The following PTER variants were observed in gnomAD, a reference collection of about 807,000 sequenced individuals.
The protein encoded by PTER is N-acetyltaurine hydrolase.
In PTER, 38 loss-of-function variants were observed where a neutral mutation model predicts 29.6. That is an observed-to-expected ratio of 1.28 (90% CI 0.99 to 1.68). The LOEUF (loss-of-function observed/expected upper bound fraction) is 1.68. PTER is among the 40% of genes most tolerant of loss of function. The pLI is 0.00. For synonymous variants in PTER, 172 were observed against 154.5 expected (o/e 1.11, Z -0.84); for missense variants, 482 against 427.8 (o/e 1.13, Z -1.12).
intron 3 of PTER, among the ~76,000 whole-genome samples, chr10:16,492,031 G>A (rs1444692044): frequency 1.3e-5 from 2 of 152,202 alleles, no homozygotes; most frequent in Non-Finnish European, 2.9e-5. Context: ...CCCTGAGAGG[G>A]AAGAGTTAAT....
At chr10:16,508,971 C>G (rs981186665) in intron 4 of PTER, among the ~76,000 whole-genome samples, 1 of 152,176 alleles carries the variant, frequency 6.6e-6, no homozygotes, top group Admixed American at 6.6e-5. Flanking sequence ...GTGTTCAGCA[C>G]CAGAAATTCT....
chr10:16,472,792 TC>T (rs1835102508), intron 1 of PTER, among the ~76,000 whole-genome samples: 1 of 152,332 alleles, frequency 6.6e-6, no homozygotes, highest in African/African-American at 2.4e-5. Flanking sequence ...TGTTGTGCCA[TC>T]TGGAATTTAT....
Position 16,443,112 on chromosome 10 carries a change from G to C in PTER, c.-49+6065G>C, listed in dbSNP as rs183051629. Among the ~76,000 whole-genome samples, 525 of 152,246 alleles carry C rather than the reference G, an allele frequency of 3.4e-3. 4 individuals carry two copies. Among genetic ancestry groups the C allele is most frequent in the African/African-American group, 0.012 (503 of 41,532 alleles). ...CTGCCATCACAAAATACCACAAACT[G>C]GGTGGCTTTAACAACAGACATTTAT... On this transcript the variant is annotated intron_variant, in intron 1 of 4. Transcript: ENST00000535784.
intron 3 of PTER, among the ~76,000 whole-genome samples, chr10:16,504,618 G>A (rs1431544531): frequency 1.3e-5 from 2 of 152,306 alleles, no homozygotes; most frequent in African/African-American, 4.8e-5. Flanking sequence ...CCTGAGGCCA[G>A]ATTTCCTTTA....
At chr10:16,516,825 A>G (rs758424931), downstream of PTER, among the ~76,000 whole-genome samples, 9 of 152,202 alleles carry the variant, frequency 5.9e-5, no homozygotes, top group African/African-American at 9.6e-5. Flanking sequence ...TTACCCTCAC[A>G]GTTTCTACCA....
intron 2 of PTER, among the ~76,000 whole-genome samples, chr10:16,485,846 C>T (rs1324780863): frequency 6.6e-6 from 1 of 152,056 alleles, no homozygotes; most frequent in Admixed American, 6.6e-5. Flanking sequence ...GTAGTCCTAG[C>T]TACATGGGAG....
chr10:16,516,724 C>A (rs575120814), downstream of PTER, among the ~76,000 whole-genome samples: 207 of 152,258 alleles, frequency 1.4e-3, 1 homozygote, highest in African/African-American at 4.8e-3. Flanking sequence ...AGGGTGTAAC[C>A]ACAAAACCGA....
intron 1 of PTER, among the ~76,000 whole-genome samples, chr10:16,477,776 G>A (rs1835334053): frequency 1.3e-5 from 2 of 152,182 alleles, no homozygotes; most frequent in Non-Finnish European, 2.9e-5. Context: ...ATGAAACTAT[G>A]AGAGGAATAT....
intron 3 of PTER, among the ~76,000 whole-genome samples, chr10:16,503,490 C>T (rs1429138974): frequency 2.6e-5 from 4 of 152,034 alleles, no homozygotes; most frequent in African/African-American, 7.2e-5. Context: ...CTGCAACCTC[C>T]GTCTCCCAGG....
intron 1 of PTER, among the ~76,000 whole-genome samples, chr10:16,459,684 A>C (rs1834536028): frequency 1.3e-5 from 2 of 152,222 alleles, no homozygotes; most frequent in Admixed American, 6.5e-5. Flanking sequence ...TTTGTTAGTA[A>C]GTATTTGCTT....
chr10:16,479,405 T>C (rs141563521), intron 1 of PTER, among the ~76,000 whole-genome samples: 1,718 of 152,172 alleles, frequency 0.011, 27 homozygotes, highest in African/African-American at 0.04. Context: ...CGTTGGTCAG[T>C]GTCCAGGCCC....
chr10:16,485,889 T>C (rs1835675821), intron 2 of PTER, among the ~76,000 whole-genome samples: 1 of 151,886 alleles, frequency 6.6e-6, no homozygotes, highest in Non-Finnish European at 1.5e-5. Flanking sequence ...ATCTCAGGAG[T>C]TCCAAGTCCA....
chr10:16,443,201 AG>A (rs1833905268), intron 1 of PTER, among the ~76,000 whole-genome samples: 1 of 152,112 alleles, frequency 6.6e-6, no homozygotes, highest in African/African-American at 2.4e-5. Flanking sequence ...GCCTCTTCTG[AG>A]GTCTCTCTCT....
At chr10:16,506,991 T>A (rs1021060644) in intron 4 of PTER, among the ~76,000 whole-genome samples, 13 of 151,066 alleles carry the variant, frequency 8.6e-5, no homozygotes, top group African/African-American at 2.9e-4. Flanking sequence ...ACCAGAGAAG[T>A]TGTGTGCGTA....
chr10:16,503,645 A>T (rs1393797591), intron 3 of PTER, among the ~76,000 whole-genome samples: 2 of 151,986 alleles, frequency 1.3e-5, no homozygotes. Flanking sequence ...ACCTCAGGTG[A>T]TCCACCCACC....
chr10:16,486,340 A>C lies in PTER; in HGVS notation c.433-12A>C. The C allele has an allele frequency of 6.2e-7, 1 of 1,602,282 alleles. No individual in the cohort carries two copies. The highest frequency in any genetic ancestry group is 8.5e-7 in the Non-Finnish European group (1 of 1,172,580). On this transcript the variant is annotated splice_polypyrimidine_tract_variant and intron_variant, in intron 2 of 4. Coordinates refer to ENST00000535784, the MANE Select transcript of PTER (RefSeq NM_001261836.2). ...CAACCTATAAAATATATTCCTTCTC[A>C]CTCTTCCTTAGCTTACCGATGTCCT... is the stretch of plus-strand genomic sequence containing the variant.
At chr10:16,445,166 A>G (rs888132269) in intron 1 of PTER, among the ~76,000 whole-genome samples, 1 of 152,234 alleles carries the variant, frequency 6.6e-6, no homozygotes, top group East Asian at 1.9e-4. Flanking sequence ...CGATACCTAT[A>G]TAAGGGACAC....
intron 1 of PTER, among the ~76,000 whole-genome samples, chr10:16,470,503 C>T (rs1305011432): frequency 6.6e-6 from 1 of 152,240 alleles, no homozygotes; most frequent in Non-Finnish European, 1.5e-5. Context: ...AGCGGTGGCT[C>T]ACGCCTGTAA....
chr10:16,518,422 T>C (rs904010212), downstream of PTER, among the ~76,000 whole-genome samples: 12 of 152,368 alleles, frequency 7.9e-5, no homozygotes, highest in South Asian at 2.1e-4. Flanking sequence ...TTATACATTA[T>C]AAGGTCAGCT....
Sources: allele counts gnomAD v4.1 joint callset (sites outside exome capture counted in the v4.1 genomes callset), GRCh38; gene constraint gnomAD v4.1.1; transcripts MANE v1.5; gene names NCBI Gene and HGNC (gene_info 2026-07-23, HGNC 2026-07-21).